Variants in SLC6A9 observed in about 807,000 individuals in gnomAD.
SLC6A9 encodes solute carrier family 6 member 9.
SLC6A9 carries 31 observed loss-of-function variants against 70.9 expected under a neutral mutation model. The observed-to-expected ratio is 0.44, with a 90% CI of 0.33 to 0.59. The LOEUF is 0.59. Ranked by LOEUF, SLC6A9 falls within the 20% of genes least tolerant of loss-of-function variation. SLC6A9 has a pLI of 0.04. For missense variants in SLC6A9, 631 were observed against 845.2 expected (o/e 0.75, Z 3.14); for synonymous variants, 310 against 341.3 (o/e 0.91, Z 1.01).
chr1:43,999,828 C>T (rs1319156830), intron 12 of SLC6A9, among the ~76,000 whole-genome samples: 1 of 152,184 alleles, frequency 6.6e-6, no homozygotes, highest in African/African-American at 2.4e-5. Context: ...ACTGGGCCAG[C>T]CCTCTGACTA....
At chr1:44,001,738 T>G in intron 8 of SLC6A9, 111 bp from the exon 9 acceptor site, 1 of 771,914 alleles carries the variant, frequency 1.3e-6, no homozygotes, top group Non-Finnish European at 2.2e-6. Context: ...TCTTTTTTTT[T>G]GGAGTGGGAG....
chr1:44,021,623 C>T (rs2086885723), intron 2 of SLC6A9, among the ~76,000 whole-genome samples: 1 of 152,228 alleles, frequency 6.6e-6, no homozygotes, highest in South Asian at 2.1e-4. Context: ...CAGCAGAAGC[C>T]ACGGAGAACT....
At chr1:44,016,926 T>G (rs2086764602) in intron 2 of SLC6A9, 1 of 1,016,292 alleles carries the variant, frequency 9.8e-7, no homozygotes, top group African/African-American at 1.7e-5. Context: ...TCTGTCTTGC[T>G]TGCTGGCTGT....
At chr1:44,000,016 G>A (rs1471169338) in intron 12 of SLC6A9, among the ~76,000 whole-genome samples, 3 of 152,202 alleles carry the variant, frequency 2.0e-5, no homozygotes, top group Admixed American at 2.0e-4. Context: ...CTTGGAATTG[G>A]ACAACCTGAT....
At chr1:44,007,655 C>T (rs1448232888) in intron 5 of SLC6A9, among the ~76,000 whole-genome samples, 1 of 152,192 alleles carries the variant, frequency 6.6e-6, no homozygotes, top group African/African-American at 2.4e-5. Context: ...CCACCTGAAG[C>T]CCATGCATTC....
At chr1:44,007,935 G>T (rs1171712144) in intron 5 of SLC6A9, among the ~76,000 whole-genome samples, 3 of 150,376 alleles carry the variant, frequency 2.0e-5, no homozygotes, top group African/African-American at 7.4e-5. Flanking sequence ...CTGTCGCCCA[G>T]GCTGAAGTGC....
intron 10 of SLC6A9, 26 bp downstream of exon 10, chr1:44,001,138 C>G: frequency 1.9e-6 from 3 of 1,614,164 alleles, no homozygotes; most frequent in Non-Finnish European, 2.5e-6. Context: ...AACTCTGGGC[C>G]AGCCCTTCCC....
chr1:44,024,724 A>G (rs2086950546), intron 1 of SLC6A9, among the ~76,000 whole-genome samples: 1 of 152,234 alleles, frequency 6.6e-6, no homozygotes, highest in South Asian at 2.1e-4. Context: ...AGCTCAGATC[A>G]GCACACTCTC....
chr1:44,022,694 T>C (rs111681240), intron 2 of SLC6A9, among the ~76,000 whole-genome samples: 2 of 140,268 alleles, frequency 1.4e-5, no homozygotes, highest in Admixed American at 1.5e-4. Context: ...TGCTGTTTTT[T>C]AATTTTTCTT....
intron 2 of SLC6A9, among the ~76,000 whole-genome samples, chr1:44,022,136 C>G (rs900371340): frequency 6.6e-6 from 1 of 152,228 alleles, no homozygotes; most frequent in Non-Finnish European, 1.5e-5. Context: ...CATAGACAGG[C>G]TGGCCGGGCC....
At chr1:44,008,157 C>T (rs1284797182) in intron 5 of SLC6A9, among the ~76,000 whole-genome samples, 196 bp downstream of exon 5, 1 of 152,214 alleles carries the variant, frequency 6.6e-6, no homozygotes, top group Non-Finnish European at 1.5e-5. Context: ...CATGAGCCAC[C>T]GTGCCCGGCC....
Position 44,013,341 on chromosome 1 carries a change from C to T in SLC6A9, c.31-2459G>A, listed in dbSNP as rs555966954. On this transcript the variant is annotated intron_variant, in intron 2 of 13. Coordinates refer to ENST00000372310, the MANE Select transcript of SLC6A9 (RefSeq NM_001024845.3). The surrounding 1 kb of genome is among the most constrained non-coding windows in gnomAD (Gnocchi z 5.3). ...GCTCCTTCCCTGGCAGGGGGAGGTA[C>T]GGGGAAGGTGGTGATGCTTCCAGCC... Among the ~76,000 whole-genome samples the T allele has an allele frequency of 4.6e-5, 7 of 152,292 alleles. No individual in the cohort carries two copies. Among genetic ancestry groups the T allele is most frequent in the South Asian group, 4.1e-4 (2 of 4,826 alleles).
intron 2 of SLC6A9, among the ~76,000 whole-genome samples, chr1:44,019,194 A>C (rs76592898): frequency 2.0e-3 from 299 of 152,352 alleles, no homozygotes; most frequent in Non-Finnish European, 3.3e-3. Context: ...GTCCTGGCTC[A>C]GCATACATGG....
intron 2 of SLC6A9, among the ~76,000 whole-genome samples, chr1:44,012,300 G>A (rs1429385663): frequency 2.0e-5 from 3 of 152,370 alleles, no homozygotes; most frequent in East Asian, 3.9e-4. Flanking sequence ...GATAGGCCAG[G>A]TGGGAATGTG....
intron 1 of SLC6A9, among the ~76,000 whole-genome samples, chr1:44,027,417 G>A (rs190091704): frequency 3.0e-4 from 45 of 152,242 alleles, no homozygotes; most frequent in African/African-American, 1.0e-3. Context: ...CCCTCCACAT[G>A]TTCCTCCCCT....
At chr1:44,001,094 C>T (rs1445050975) in intron 10 of SLC6A9, 39 bp from the exon 11 acceptor site, 3 of 1,606,386 alleles carry the variant, frequency 1.9e-6, no homozygotes, top group African/African-American at 1.3e-5. Context: ...CGCCTGCAGC[C>T]CGGGCTCCCC....
intron 1 of SLC6A9, among the ~76,000 whole-genome samples, chr1:44,026,607 C>T (rs1410143761): frequency 7.3e-5 from 11 of 150,244 alleles, no homozygotes; most frequent in Admixed American, 4.0e-4. Flanking sequence ...TGCAGTGAGC[C>T]GAGATCACAC....
intron 4 of SLC6A9, among the ~76,000 whole-genome samples, chr1:44,009,178 C>A (rs2086450800): frequency 6.6e-6 from 1 of 151,662 alleles, no homozygotes; most frequent in Non-Finnish European, 1.5e-5. Flanking sequence ...AGGCATGCGC[C>A]ACCATATCTG....
intron 12 of SLC6A9, among the ~76,000 whole-genome samples, chr1:43,999,875 G>A (rs2086026134): frequency 4.6e-5 from 7 of 152,130 alleles, no homozygotes; most frequent in Admixed American, 4.6e-4. Flanking sequence ...TCTGTGGAGT[G>A]ACCATTACAC....
Sources: gnomAD v4.1 joint callset for allele counts (sites outside exome capture counted in the v4.1 genomes callset) on GRCh38, gnomAD v4.1.1 for gene constraint, Gnocchi (gnomAD v3.1) non-coding constraint, MANE v1.5 for transcripts, NCBI Gene and HGNC (gene_info 2026-07-23, HGNC 2026-07-21) for gene names.